MAPDA: variants seen among roughly 807,000 people sequenced by gnomAD.
MAPDA encodes the protein N6-Methyl-AMP deaminase, also known as N6,N6-dimethyl-AMP deaminase.
chr15:43,352,404 T>C, the MAPDA span: 1 of 152,538 alleles, frequency 6.6e-6, no homozygotes, highest in African/African-American at 2.4e-5. Context: ...TTTTTAAAAG[T>C]ATTCCCCAGC....
the MAPDA span, chr15:43,343,049 A>G: frequency 1.3e-3 from 2,066 of 1,587,582 alleles, 46 homozygotes; most frequent in East Asian, 0.04. Flanking sequence ...AACAGTCCAA[A>G]CAAGAAAACT....
At chr15:43,350,961 G>C in the MAPDA span, 1 of 1,551,522 alleles carries the variant, frequency 6.4e-7, no homozygotes, top group Non-Finnish European at 8.7e-7. Context: ...GACCTCAAAC[G>C]TCAAAAGTCA....
At chr15:43,341,831 G>A in the MAPDA span, among the ~76,000 whole-genome samples, 1 of 151,854 alleles carries the variant, frequency 6.6e-6, no homozygotes, top group African/African-American at 2.4e-5. Flanking sequence ...TGGGTGGTGG[G>A]GTTATTTTTA....
chr15:43,349,402 G>GA, the MAPDA span: 2 of 868,876 alleles, frequency 2.3e-6, no homozygotes, highest in Non-Finnish European at 2.8e-6. Context: ...ATTAAACATG[G>GA]AAAATCCCAA....
chr15:43,343,045 C>A, the MAPDA span: 2 of 1,586,762 alleles, frequency 1.3e-6, no homozygotes, highest in Non-Finnish European at 1.7e-6. Context: ...ATAAAACAGT[C>A]CAAACAAGAA....
chr15:43,335,719 A>C, the MAPDA span: 3 of 1,612,426 alleles, frequency 1.9e-6, no homozygotes, highest in South Asian at 1.1e-5. Context: ...ACTTGAATGG[A>C]TCCATTAGTT....
chr15:43,330,675 G>A, the MAPDA span: 1 of 603,470 alleles, frequency 1.7e-6, no homozygotes. Context: ...GGAGGGTGTA[G>A]CCAGTGCTAA....
the MAPDA span, chr15:43,335,223 A>T: frequency 6.3e-7 from 1 of 1,578,692 alleles, no homozygotes; most frequent in Middle Eastern, 1.7e-4. Flanking sequence ...AATGACTTTG[A>T]TGTTGCTTCT....
chr15:43,346,615 C>T, the MAPDA span, among the ~76,000 whole-genome samples: 1 of 152,212 alleles, frequency 6.6e-6, no homozygotes, highest in African/African-American at 2.4e-5. Context: ...TGGCTTTGTC[C>T]AAACCTGGAG....
the MAPDA span, chr15:43,340,218 C>A: frequency 6.5e-7 from 1 of 1,542,916 alleles, no homozygotes. Context: ...TCATTGGGAC[C>A]CTTACCCAAA....
the MAPDA span, chr15:43,351,827 A>C: frequency 6.4e-7 from 1 of 1,551,686 alleles, no homozygotes; most frequent in Non-Finnish European, 8.7e-7. Context: ...AATTTGACCC[A>C]GTCTCAGGTG....
At chr15:43,336,818 C>A in the MAPDA span, 1 of 618,568 alleles carries the variant, frequency 1.6e-6, no homozygotes, top group Non-Finnish European at 2.6e-6. Context: ...GGCAACTCTT[C>A]AAAACCTATG....
the MAPDA span, among the ~76,000 whole-genome samples, chr15:43,344,338 A>G: frequency 6.6e-6 from 1 of 152,194 alleles, no homozygotes; most frequent in Non-Finnish European, 1.5e-5. Context: ...ATTTTCTAAC[A>G]TTATTTTAAT....
At chr15:43,332,966 A>G in the MAPDA span, among the ~76,000 whole-genome samples, 1 of 152,028 alleles carries the variant, frequency 6.6e-6, no homozygotes, top group Non-Finnish European at 1.5e-5. Context: ...AGGAACAACA[A>G]TTTTTTTTAA....
chr15:43,350,651 A>G, the MAPDA span, among the ~76,000 whole-genome samples: 2 of 152,116 alleles, frequency 1.3e-5, no homozygotes, highest in African/African-American at 2.4e-5. Context: ...TCATCATGAC[A>G]TTCCTCTTTC....
the MAPDA span, among the ~76,000 whole-genome samples, chr15:43,333,717 A>ATTTC: frequency 1.7e-4 from 26 of 152,328 alleles, no homozygotes; most frequent in African/African-American, 6.3e-4. Flanking sequence ...ATACAGTAAT[A>ATTTC]TTTCACAAAG....
chr15:43,331,944 C>G, the MAPDA span: 1 of 152,054 alleles, frequency 6.6e-6, no homozygotes, highest in Non-Finnish European at 1.5e-5. Context: ...GTGAGGGAAA[C>G]CAGCTAGTGG....
At chr15:43,345,380 A>C in the MAPDA span, among the ~76,000 whole-genome samples, 1 of 151,460 alleles carries the variant, frequency 6.6e-6, no homozygotes. Context: ...AAATAGGACA[A>C]CATGTTAACA....
At chr15:43,330,489 T>A in the MAPDA span, 2 of 1,517,236 alleles carry the variant, frequency 1.3e-6, no homozygotes, top group Admixed American at 2.3e-5. Context: ...CGGGGGCCCA[T>A]GGCCAGAAGA....
Sources: gnomAD v4.1 joint callset for allele counts (sites outside exome capture counted in the v4.1 genomes callset) on GRCh38, gnomAD v4.1.1 for gene constraint, MANE v1.5 for transcripts, NCBI Gene and HGNC (gene_info 2026-07-23, HGNC 2026-07-21) for gene names.